MGAT4C: variants seen among roughly 807,000 people sequenced by gnomAD.
MGAT4C encodes the protein MGAT4 family member C, also known as alpha-1,3-mannosyl-glycoprotein 4-beta-N-acetylglucosaminyltransferase C.
A neutral mutation model predicts 40.1 loss-of-function variants in MGAT4C; 19 were observed. The ratio of observed to expected loss-of-function variants is 0.47; its 90% confidence interval spans 0.33 to 0.70. The LOEUF (loss-of-function observed/expected upper bound fraction) is 0.70, where lower values mean the gene tolerates loss of function less well. MGAT4C is among the 30% of genes least tolerant of loss of function. MGAT4C has a pLI of 0.02. For synonymous variants in MGAT4C, 181 were observed against 187.1 expected, an observed-to-expected ratio of 0.97 and a Z score of 0.27; for missense variants, 491 against 563.2, an observed-to-expected ratio of 0.87 and a Z score of 1.30.
At chr12:86,791,153 T>A (rs1952014256) in intron 1 of MGAT4C, among the ~76,000 whole-genome samples, 1 of 151,874 alleles carries the variant, frequency 6.6e-6, no homozygotes, top group Non-Finnish European at 1.5e-5. Context: ...TATTTTGGGG[T>A]TTTATACATG....
chr12:86,112,618 T>C (rs867949833), intron 1 of MGAT4C, among the ~76,000 whole-genome samples: 7 of 151,716 alleles, frequency 4.6e-5, no homozygotes, highest in African/African-American at 1.7e-4. Flanking sequence ...TGAATGTGCA[T>C]AAAATAATGA....
At chr12:86,207,276 C>T (rs1186290051) in intron 1 of MGAT4C, among the ~76,000 whole-genome samples, 2 of 151,752 alleles carry the variant, frequency 1.3e-5, no homozygotes, top group Non-Finnish European at 2.9e-5. Flanking sequence ...TCTGCTTTTT[C>T]TTTTTTTTAA....
chr12:86,219,969 G>T (rs943563534), intron 1 of MGAT4C, among the ~76,000 whole-genome samples: 2 of 152,050 alleles, frequency 1.3e-5, no homozygotes, highest in Non-Finnish European at 2.9e-5. Flanking sequence ...ATGACAATCA[G>T]ACCTTTCATG....
At chr12:86,716,551 T>C (rs1156575670) in intron 2 of MGAT4C, among the ~76,000 whole-genome samples, 1 of 152,152 alleles carries the variant, frequency 6.6e-6, no homozygotes, top group Non-Finnish European at 1.5e-5. Context: ...CTTCAATTCC[T>C]TTCCCTTCTG....
At chr12:86,070,277 C>G (rs80325811) in intron 1 of MGAT4C, among the ~76,000 whole-genome samples, 12,958 of 152,048 alleles carry the variant, frequency 0.085, 759 homozygotes, top group Middle Eastern at 0.23. Context: ...TTCTCTATAG[C>G]ATTTATCATC....
rs574196871 is a variant in MGAT4C, at chr12:86,194,133, A to G, written c.-57+62106T>C. The stretch of plus-strand genomic sequence containing the variant: ...CTTCCTGTTCACTAACTCTTACTCT[A>G]TGTTCTTAATGTTATTTCTAGAATT... On this transcript the variant is annotated intron_variant, in intron 1 of 4. Coordinates refer to ENST00000611864, the MANE Select transcript of MGAT4C (RefSeq NM_001351288.2). Among the ~76,000 whole-genome samples the G allele has an allele frequency of 5.3e-5, 8 of 152,022 alleles. No homozygotes were observed. In the South Asian group the frequency reaches 1.7e-3, roughly 32 times the overall value.
At chr12:86,755,041 T>G (rs1231788137) in intron 1 of MGAT4C, among the ~76,000 whole-genome samples, 1 of 152,154 alleles carries the variant, frequency 6.6e-6, no homozygotes. Context: ...TGTAATAAAA[T>G]ACTAATCTGT....
intron 2 of MGAT4C, among the ~76,000 whole-genome samples, chr12:86,662,664 A>G (rs1330854858): frequency 6.6e-6 from 1 of 152,180 alleles, no homozygotes; most frequent in Non-Finnish European, 1.5e-5. Flanking sequence ...TATTCAGAAG[A>G]TTAAAAATGG....
intron 3 of MGAT4C, among the ~76,000 whole-genome samples, chr12:86,352,608 A>G (rs957579724): frequency 5.9e-5 from 9 of 152,160 alleles, no homozygotes; most frequent in Non-Finnish European, 1.0e-4. Context: ...GTTCCATTAC[A>G]TAGATACATT....
At chr12:85,999,583 GTATATA>G (rs67914292) in intron 2 of MGAT4C, among the ~76,000 whole-genome samples, 9,874 of 122,890 alleles carry the variant, frequency 0.08, 468 homozygotes, top group Middle Eastern at 0.26. Flanking sequence ...GTGTGTGTGT[GTATATA>G]TATATATATA....
chr12:85,993,757 A>G (rs1341537674), intron 2 of MGAT4C, among the ~76,000 whole-genome samples: 1 of 152,096 alleles, frequency 6.6e-6, no homozygotes, highest in Non-Finnish European at 1.5e-5. Context: ...AAGAGAGGGG[A>G]GATACAGGAA....
Position 86,603,553 on chromosome 12 carries a change from T to TATATAGTC in MGAT4C, c.-229+123648_-229+123655dup, listed in dbSNP as rs1449065637. On this transcript the variant is annotated intron_variant, in intron 2 of 7. Coordinates refer to the MGAT4C transcript ENST00000548651. ...TATATAGTCTATAGACTATAGATAA[T>TATATAGTC]ATATAGTCTATAGACTATAGATAAT... Among the ~76,000 whole-genome samples the TATATAGTC allele has an allele frequency of 1.0e-4, 12 of 114,914 alleles. No homozygotes were observed. The East Asian group carries it at 1.6e-3, about 16-fold the overall frequency. The allele number at this position is 114,914 out of a possible 152,430, so 75.4% of individuals were successfully genotyped here. A position where few individuals can be genotyped will look rare whatever the true frequency, so the allele number is the denominator to read the frequency against.
chr12:86,566,529 TAC>T (rs199718875), intron 2 of MGAT4C, among the ~76,000 whole-genome samples: 3,086 of 48,084 alleles, frequency 0.064, 56 homozygotes, highest in Admixed American at 0.11. Flanking sequence ...TAAACTCATA[TAC>T]ATATATATAT....
Position 86,747,366 on chromosome 12 carries a change from T to C in MGAT4C, c.-261-20125A>G, listed in dbSNP as rs113047478. ...TTAAATGGCTGTCCAACTAGGCGTG[T>C]ATTTCAAAACAATTACTCAATTCAA... On this transcript the variant is annotated intron_variant, in intron 1 of 7. Transcript: ENST00000548651. Among the ~76,000 whole-genome samples the C allele has an allele frequency of 8.0e-3, 1,218 of 151,732 alleles. 13 individuals are homozygous for C. Among genetic ancestry groups the C allele is most frequent in the African/African-American group, 0.028 (1,164 of 41,484 alleles).
At chr12:86,611,456 T>TGATA (rs5799787) in intron 2 of MGAT4C, among the ~76,000 whole-genome samples, 55,215 of 143,300 alleles carry the variant, frequency 0.39, 10,701 homozygotes, top group Middle Eastern at 0.42. Context: ...GATAGATAGA[T>TGATA]GATAGATAGA....
Position 86,525,039 on chromosome 12 carries a change from A to G in MGAT4C, c.-228-89774T>C, listed in dbSNP as rs186026009. 1.6e-3 allele frequency among the ~76,000 whole-genome samples: 236 copies of G among 152,208 alleles called. 1 individual carries two copies. Among genetic ancestry groups the G allele is most frequent in the African/African-American group, 5.5e-3 (227 of 41,532 alleles). On this transcript the variant is annotated intron_variant, in intron 2 of 7. Coordinates refer to the MGAT4C transcript ENST00000548651. ...TTACATCTTAATGATATTCGATTAT[A>G]TTGATATTCTGAATTCTGTTTCTGT...
At chr12:86,724,609 C>T (rs1198410713) in intron 2 of MGAT4C, among the ~76,000 whole-genome samples, 1 of 152,076 alleles carries the variant, frequency 6.6e-6, no homozygotes, top group African/African-American at 2.4e-5. Context: ...GCTGGAGTGA[C>T]ATATTGGTTC....
At chr12:86,466,826 G>T (rs1957688969) in intron 2 of MGAT4C, among the ~76,000 whole-genome samples, 1 of 152,012 alleles carries the variant, frequency 6.6e-6, no homozygotes, top group South Asian at 2.1e-4. Flanking sequence ...CTTTAATTTT[G>T]CTGTTAATCT....
At chr12:86,630,844 A>G (rs1963009830) in intron 2 of MGAT4C, among the ~76,000 whole-genome samples, 1 of 152,204 alleles carries the variant, frequency 6.6e-6, no homozygotes, top group Admixed American at 6.5e-5. Context: ...AAACTGGCAC[A>G]AGACAGGGAT....
Sources: allele counts gnomAD v4.1 joint callset (sites outside exome capture counted in the v4.1 genomes callset), GRCh38; gene constraint gnomAD v4.1.1; transcripts MANE v1.5; gene names NCBI Gene and HGNC (gene_info 2026-07-23, HGNC 2026-07-21).